The following MAP4 variants were observed in gnomAD, a reference collection of about 807,000 sequenced individuals.
MAP4 encodes the protein microtubule associated protein 4.
MAP4 carries 76 observed loss-of-function variants against 170.2 expected under a neutral mutation model. That is an observed-to-expected ratio of 0.45 (90% CI 0.37 to 0.54). The LOEUF (loss-of-function observed/expected upper bound fraction) is 0.54, where lower values mean the gene tolerates loss of function less well. Among genes scored for constraint, MAP4 ranks in the 20% least tolerant of loss-of-function variants. MAP4 has a pLI of 0.00. For missense variants in MAP4, 2,506 were observed against 2,748.0 expected (o/e 0.91, Z 1.97); for synonymous variants, 909 against 994.5 (o/e 0.91, Z 1.62).
At chr3:47,904,057 CTTT>C (rs569489079) in intron 9 of MAP4, among the ~76,000 whole-genome samples, 115 of 152,168 alleles carry the variant, frequency 7.6e-4, no homozygotes, top group African/African-American at 2.6e-3. Flanking sequence ...TCATCTTTTT[CTTT>C]TTAAGTACCT....
At chr3:48,001,692 G>A (rs1166589438) in intron 1 of MAP4, among the ~76,000 whole-genome samples, 1 of 151,946 alleles carries the variant, frequency 6.6e-6, no homozygotes, top group Non-Finnish European at 1.5e-5. Context: ...TAGAGACAGG[G>A]TGCCACCATG....
Position 47,915,064 on chromosome 3 carries a change from T to C in MAP4, c.1877-125A>G. The C allele has an allele frequency of 2.6e-6, 3 of 1,143,078 alleles. No individual in the cohort carries two copies. In the Middle Eastern group the frequency reaches 6.0e-4, roughly 230 times the overall value. 70.8% of individuals were successfully genotyped at this position (1,143,078 alleles called of 1,614,324 possible). The stretch of plus-strand genomic sequence containing the variant: ...TCTCCTACAAGGGGCAGCAAAGGAG[T>C]GAAGTGGTAGTTGGAAGCTGAAGTT... On this transcript the variant is annotated intron_variant, in intron 7 of 20. Transcript: ENST00000683076.
At chr3:47,874,196 G>A (rs1030068767) in intron 12 of MAP4, among the ~76,000 whole-genome samples, 1 of 152,140 alleles carries the variant, frequency 6.6e-6, no homozygotes, top group Non-Finnish European at 1.5e-5. Flanking sequence ...GGACTGGCGC[G>A]GTGGCTCATG....
rs778753378 is a variant in MAP4 at position 47,852,949 on chromosome 3, A to C, written c.6887-11T>G. 1 of 1,613,654 alleles carries C rather than the reference A, an allele frequency of 6.2e-7. No homozygotes were observed. Among genetic ancestry groups the C allele is most frequent in the Non-Finnish European group, 8.5e-7 (1 of 1,179,770 alleles). On this transcript the variant is annotated splice_polypyrimidine_tract_variant and intron_variant, in intron 20 of 20. Coordinates refer to ENST00000683076, the MANE Select transcript of MAP4 (RefSeq NM_001385682.1). ...CCTGTAGGTCTCAATCTGCAGTGAC[A>C]TGGGAGGAGGGAAGGGAGAGGGGAA...
chr3:47,912,286 A>C lies in MAP4; in HGVS notation c.2135T>G (p.Leu712Arg). 1 of 1,535,966 alleles carries C rather than the reference A, an allele frequency of 6.5e-7. No homozygotes were observed. The highest frequency in any genetic ancestry group is 8.7e-7 in the Non-Finnish European group (1 of 1,146,730). ...AGAGCAGTGGCCCAGCCTGTGATCAAGAGTCTTCCATGGAGGAGAGCCTCC... is the reference window on the plus strand; with the variant it reads ...AGAGCAGTGGCCCAGCCTGTGATCACGAGTCTTCCATGGAGGAGAGCCTCC... ...LLGGSPPWKT[L>R]DHRLGHCSLS... is the part of the protein sequence containing the mutation. Residue 712 changes from leucine to arginine, a missense_variant, in exon 9 of 21, where the codon CTT (leucine) becomes CGT (arginine). Around this residue, in one of 3 missense-constraint regions of MAP4, gnomAD observed 2,008 missense variants for 2,206.0 expected, o/e 0.91. Transcript: ENST00000683076.
In MAP4 at chr3:47,875,666, T is replaced by C. The variant is rs943560160; in HGVS notation, c.5757+19A>G. 3 of 1,604,386 alleles carry C rather than the reference T, an allele frequency of 1.9e-6. No homozygotes were observed. In the Admixed American group the frequency reaches 5.1e-5, roughly 27 times the overall value. ...AGGGGAACAATTTTCCTCGGCACAG[T>C]AGTTAGGTGACCACTTACCTTTGGC... On this transcript the variant is annotated intron_variant, in intron 12 of 20. Transcript: ENST00000683076.
intron 1 of MAP4, among the ~76,000 whole-genome samples, chr3:48,038,459 C>CTTTT (rs397989482): frequency 8.2e-5 from 10 of 121,978 alleles, no homozygotes; most frequent in African/African-American, 1.2e-4. Flanking sequence ...TGCACTGAAA[C>CTTTT]TTTTTTTTTT....
chr3:47,962,784 C>T (rs1173212285), intron 3 of MAP4, among the ~76,000 whole-genome samples: 3 of 152,216 alleles, frequency 2.0e-5, no homozygotes, highest in African/African-American at 7.2e-5. Context: ...CATACTGTAT[C>T]TCTGTTGCTC....
Position 47,909,396 on chromosome 3 carries a change from C to T in MAP4, c.5025G>A (p.Leu1675=). The change falls in exon 9 of 21, where the codon CTG becomes CTA. Residue 1675 remains leucine (L), a synonymous_variant. Transcript: ENST00000683076. ...SENDKLKEIS[L]ACKITELESV... ...TTTCCAATTCCGTGATTTTACAAGC[C>T]AGACTAATTTCTTTCAATTTATCAT... 6.2e-7 allele frequency: 1 copy of T among 1,613,808 alleles called. No individual in the cohort carries two copies. Among genetic ancestry groups the T allele is most frequent in the Non-Finnish European group, 8.5e-7 (1 of 1,179,758 alleles).
intron 2 of MAP4, among the ~76,000 whole-genome samples, chr3:47,986,162 G>T (rs921484127): frequency 6.6e-6 from 1 of 152,098 alleles, no homozygotes; most frequent in Non-Finnish European, 1.5e-5. Context: ...AAGAGGTGGG[G>T]TCTTTGGGGT....
At chr3:47,890,969 G>C in intron 10 of MAP4, 1 of 1,360,364 alleles carries the variant, frequency 7.4e-7, no homozygotes, top group Non-Finnish European at 9.7e-7. Context: ...CTGTCACTTT[G>C]GTTCCTTCCT....
chr3:47,998,273 A>G (rs1308846784), intron 2 of MAP4, among the ~76,000 whole-genome samples: 1 of 152,204 alleles, frequency 6.6e-6, no homozygotes, highest in Non-Finnish European at 1.5e-5. Context: ...TCCAAAGACA[A>G]CAAATGGCAT....
At chr3:48,050,030 C>T (rs1165828858) in intron 1 of MAP4, among the ~76,000 whole-genome samples, 2 of 151,282 alleles carry the variant, frequency 1.3e-5, no homozygotes, top group Admixed American at 6.6e-5. Flanking sequence ...GAGGCCAAGG[C>T]GGGTGGATCA....
At chr3:48,086,737 G>A (rs920003433) in intron 1 of MAP4, among the ~76,000 whole-genome samples, 10 of 152,122 alleles carry the variant, frequency 6.6e-5, no homozygotes, top group African/African-American at 2.4e-4. Flanking sequence ...TTACTGATTA[G>A]GCAGCCCAGA....
intron 1 of MAP4, among the ~76,000 whole-genome samples, chr3:48,079,603 C>G (rs1489170171): frequency 6.7e-6 from 1 of 148,864 alleles, no homozygotes; most frequent in Non-Finnish European, 1.5e-5. Flanking sequence ...TGCAGTGAGC[C>G]GAGATCACAC....
rs1205361838 is a variant in MAP4, at chr3:47,890,416, A to T, written c.5434+12534T>A. ...AACTAGAAGCAAGATTGGGTCAAAC[A>T]TGAAGAACACAGAAAGAATATTAAA... On this transcript the variant is annotated intron_variant, in intron 10 of 20. Transcript: ENST00000683076. Among the ~76,000 whole-genome samples, 3 of 152,238 alleles carry T rather than the reference A, an allele frequency of 2.0e-5. No individual in the cohort carries two copies. In the South Asian group the frequency reaches 6.2e-4, roughly 32 times the overall value.
At chr3:48,065,092 T>C (rs983214144) in intron 1 of MAP4, among the ~76,000 whole-genome samples, 21 of 152,196 alleles carry the variant, frequency 1.4e-4, no homozygotes, top group African/African-American at 4.6e-4. Context: ...ATCGTGCCAC[T>C]GCACTCCAAC....
intron 2 of MAP4, among the ~76,000 whole-genome samples, chr3:47,978,942 A>G (rs1321344052): frequency 6.6e-6 from 1 of 151,998 alleles, no homozygotes; most frequent in African/African-American, 2.4e-5. Context: ...TGTATTCCAA[A>G]TATCACTCCT....
intron 1 of MAP4, among the ~76,000 whole-genome samples, chr3:48,058,941 G>A (rs890786640): frequency 7.2e-5 from 11 of 151,890 alleles, no homozygotes; most frequent in Admixed American, 3.3e-4. Flanking sequence ...CACCACGCCC[G>A]GCTAATTTTT....
Sources: allele counts gnomAD v4.1 joint callset (sites outside exome capture counted in the v4.1 genomes callset), GRCh38; gene constraint gnomAD v4.1.1; regional missense constraint gnomAD v4.1.1; transcripts MANE v1.5; gene names NCBI Gene and HGNC (gene_info 2026-07-23, HGNC 2026-07-21).